TTC16: variants seen among roughly 807,000 people sequenced by gnomAD.
The protein encoded by TTC16 is tetratricopeptide repeat protein 16.
Under a neutral mutation model 80.4 loss-of-function variants are expected in TTC16, and 66 were observed. That is an observed-to-expected ratio of 0.82 (90% CI 0.67 to 1.01). The LOEUF (loss-of-function observed/expected upper bound fraction) is 1.01, where lower values mean the gene tolerates loss of function less well. TTC16 is among the 50% of genes least tolerant of loss of function. The pLI is 0.00. For synonymous variants in TTC16, 438 were observed against 451.3 expected (o/e 0.97, Z 0.37); for missense variants, 1,070 against 1,103.2 (o/e 0.97, Z 0.43).
Position 127,731,403 on chromosome 9 carries a change from T to C in TTC16, c.2620T>C (p.Ter874ArgextTer45). The C allele has an allele frequency of 6.2e-7, 1 of 1,609,604 alleles. No individual in the cohort carries two copies. Among genetic ancestry groups the C allele is most frequent in the Non-Finnish European group, 8.5e-7 (1 of 1,177,842 alleles). Residue 874 changes from the stop codon to arginine, a stop_lost, in exon 14 of 14, where the codon TGA becomes CGA. Transcript: ENST00000373289. ...DQDLTYYEAV[*>R] ...GGACCTCACCTACTATGAAGCTGTC[T>C]GAAGGGACCATCCAGACCCTCCCTT...
intron 2 of TTC16, 140 bp from the exon 3 acceptor site, chr9:127,717,194 C>A: frequency 8.5e-7 from 1 of 1,171,196 alleles, no homozygotes; most frequent in Non-Finnish European, 1.2e-6. Context: ...GAACACCAGC[C>A]TGCCCTCCCT....
At chr9:127,729,160 T>C (rs957543454) in intron 12 of TTC16, 1 of 159,362 alleles carries the variant, frequency 6.3e-6, no homozygotes, top group Non-Finnish European at 1.4e-5. Flanking sequence ...TTCAGTGAAA[T>C]GGTCATTAGC....
At position 127,729,364 on chromosome 9, in the gene TTC16, C is replaced by T. The variant is rs543759044; in HGVS notation, c.1765-217C>T. ...CAAGGCGCTAGCAGCTCCTTCAACACAACCGTTCTCACGGCACCATGCCTG... is the reference window on the plus strand; with the variant it reads ...CAAGGCGCTAGCAGCTCCTTCAACATAACCGTTCTCACGGCACCATGCCTG... On this transcript the variant is annotated intron_variant, in intron 12 of 13. Coordinates refer to ENST00000373289, the MANE Select transcript of TTC16 (RefSeq NM_144965.3). 204 of 539,102 alleles carry T rather than the reference C, an allele frequency of 3.8e-4. 1 individual carries two copies. The highest frequency in any genetic ancestry group is 3.7e-3 in the African/African-American group (194 of 52,588). 33.4% of individuals were successfully genotyped at this position (539,102 alleles called of 1,614,324 possible).
rs1844386864 is a variant in TTC16, at chr9:127,731,146, T to C, written c.2363T>C (p.Val788Ala). Residue 788 changes from valine (V) to alanine (A), a missense_variant, in exon 14 of 14, where the codon GTT becomes GCT. Physicochemically the swap from Val to Ala is moderately conservative, Grantham distance 64 (BLOSUM62 0). Transcript: ENST00000373289. Reference sequence around the variant, plus strand: ...GGCCGGAGCTGGAGACCCAGCAAGGTTGATGCCACCCAGGGCCGAAGCAGG... The same window carrying C: ...GGCCGGAGCTGGAGACCCAGCAAGGCTGATGCCACCCAGGGCCGAAGCAGG... ...ARGRSWRPSK[V>A]DATQGRSRGL... 5.0e-6 allele frequency: 8 copies of C among 1,611,686 alleles called. No individual in the cohort carries two copies. The East Asian group carries it at 1.3e-4, about 27-fold the overall frequency.
chr9:127,721,609 G>A lies in TTC16; in HGVS notation c.657+1214G>A, dbSNP rs1217296248. ...CCACCACCCTGGCAGGAGTGACTTC[G>A]GGGAGTGCAGTCCACCCTGGCAACT... On this transcript the variant is annotated intron_variant, in intron 6 of 13. Transcript: ENST00000373289. Among the ~76,000 whole-genome samples, 6 of 152,222 alleles carry A rather than the reference G, an allele frequency of 3.9e-5. No homozygotes were observed. The East Asian group carries it at 5.8e-4, about 15-fold the overall frequency.
At position 127,719,837 on chromosome 9, in the gene TTC16, T is replaced by C. The variant is rs887746685; in HGVS notation, c.427-241T>C. On this transcript the variant is annotated intron_variant, in intron 4 of 13. Transcript: ENST00000373289. ...TTCTACATTTCTCTTTGTTCCTGAA[T>C]CTCTGTATTCCTGTCTCTTGCCAAG... 1.9e-4 allele frequency among the ~76,000 whole-genome samples: 29 copies of C among 152,174 alleles called. 1 individual carries two copies. The highest frequency in any genetic ancestry group is 2.9e-5 in the Non-Finnish European group (2 of 68,038).
rs527927075 is a variant in TTC16, at chr9:127,718,935, G to T, written c.427-1143G>T. Among the ~76,000 whole-genome samples the T allele has an allele frequency of 6.6e-6, 1 of 151,502 alleles. No homozygotes were observed. On this transcript the variant is annotated intron_variant, in intron 4 of 13. Transcript: ENST00000373289. The surrounding 1 kb of genome is among the most constrained non-coding windows in gnomAD (Gnocchi z 4.6). The stretch of plus-strand genomic sequence containing the variant: ...GTCAAAAAATATTCAGTTCTTGGCC[G>T]GGCACGGTGGCTCACGCCTGTAATC...
chr9:127,729,843 C>T (rs554140491), intron 13 of TTC16, 175 bp downstream of exon 13: 52 of 606,964 alleles, frequency 8.6e-5, no homozygotes, highest in Non-Finnish European at 1.4e-4. Flanking sequence ...CTGCCCAGGA[C>T]GAGGTGAGGC....
At chr9:127,721,375 A>G (rs949971130) in intron 6 of TTC16, among the ~76,000 whole-genome samples, 2 of 152,074 alleles carry the variant, frequency 1.3e-5, no homozygotes, top group African/African-American at 4.8e-5. Context: ...AGCCCTTCAG[A>G]AGGCAGGGCC....
At chr9:127,716,391 A>G in intron 1 of TTC16, 1 of 634,978 alleles carries the variant, frequency 1.6e-6, no homozygotes, top group Non-Finnish European at 2.7e-6. Flanking sequence ...AGGTGACCTC[A>G]CCAAAATGGG....
chr9:127,717,743 G>A lies in TTC16; in HGVS notation c.397G>A (p.Glu133Lys). 6.2e-7 allele frequency: 1 copy of A among 1,613,806 alleles called. No individual in the cohort carries two copies. The highest frequency in any genetic ancestry group is 8.5e-7 in the Non-Finnish European group (1 of 1,180,014). The change falls in exon 4 of 14, where the codon GAG becomes AAG. Residue 133 changes from glutamate to lysine, a missense_variant. Transcript: ENST00000373289. ...ACAGCAGGACAACTGCAAGCACCTG[G>A]AGCGCCTCACCTTTGTGCTCTACCT... Reference protein sequence around the residue: ...SLQQDNCKHLERLTFVLYLQG... With the variant: ...SLQQDNCKHLKRLTFVLYLQG...
At chr9:127,717,200 T>C in intron 2 of TTC16, 134 bp from the exon 3 acceptor site, 1 of 1,169,108 alleles carries the variant, frequency 8.6e-7, no homozygotes. Context: ...CAGCCTGCCC[T>C]CCCTGGGCTT....
intron 7 of TTC16, 36 bp downstream of exon 7, chr9:127,723,369 G>A: frequency 6.3e-7 from 1 of 1,589,664 alleles, no homozygotes; most frequent in Non-Finnish European, 8.6e-7. Context: ...TGGGTCCCAG[G>A]TCCTGCCCAG....
intron 12 of TTC16, chr9:127,727,970 A>G (rs916503874): frequency 6.6e-5 from 10 of 152,492 alleles, no homozygotes; most frequent in African/African-American, 2.2e-4. Context: ...AGTGATCTGC[A>G]CACCTGGGCC....
At position 127,718,156 on chromosome 9, in the gene TTC16, CG is replaced by C. The variant is rs1426690235; in HGVS notation, c.426+386del. Among the ~76,000 whole-genome samples, 10 of 152,236 alleles carry C rather than the reference CG, an allele frequency of 6.6e-5. No homozygotes were observed. Among genetic ancestry groups the C allele is most frequent in the African/African-American group, 2.4e-4 (10 of 41,534 alleles). ...AGGCTGCAGTGCAGTGGCACGATCT[CG>C]GCTCACTGCAACCTCTGTCTCTTGG... On this transcript the variant is annotated intron_variant, in intron 4 of 13. Coordinates refer to ENST00000373289, the MANE Select transcript of TTC16 (RefSeq NM_144965.3). The surrounding 1 kb of genome is among the most constrained non-coding windows in gnomAD (Gnocchi z 4.6).
At position 127,724,340 on chromosome 9, in the gene TTC16, AAAG is replaced by A; in HGVS notation, c.1094_1096del (p.Lys365_Gly366delinsArg). 6.2e-7 allele frequency: 1 copy of A among 1,612,756 alleles called. No individual in the cohort carries two copies. The highest frequency in any genetic ancestry group is 8.5e-7 in the Non-Finnish European group (1 of 1,179,920). On this transcript the variant is annotated inframe_deletion, in exon 8 of 14. Transcript: ENST00000373289. ...GGCCCTCCGGGACGAGCAGCAGGAG[AAAG>A]GACTCTACATCAACCGAGGCGGTGC...
chr9:127,724,260 CCGTGCACTG>C lies in TTC16; in HGVS notation c.1015_1023del (p.Val339_Cys341del), dbSNP rs781623598. 1.2e-6 allele frequency: 2 copies of C among 1,613,098 alleles called. No homozygotes were observed. Among genetic ancestry groups the C allele is most frequent in the South Asian group, 2.2e-5 (2 of 91,092 alleles). On this transcript the variant is annotated inframe_deletion, in exon 8 of 14. Transcript: ENST00000373289. The stretch of plus-strand genomic sequence containing the variant: ...CTGTTGCTGACCTACAACGACTTTG[CCGTGCACTG>C]CTACAGGCAGGGCGCCTACCAGGAG...
Position 127,718,971 on chromosome 9 carries a change from G to A in TTC16, c.427-1107G>A, listed in dbSNP as rs1564378107. Among the ~76,000 whole-genome samples the A allele has an allele frequency of 6.6e-6, 1 of 151,790 alleles. No individual in the cohort carries two copies. The highest frequency in any genetic ancestry group is 1.5e-5 in the Non-Finnish European group (1 of 67,920). On this transcript the variant is annotated intron_variant, in intron 4 of 13. Transcript: ENST00000373289. The surrounding 1 kb of genome is among the most constrained non-coding windows in gnomAD (Gnocchi z 4.6). ...CTCACGCCTGTAATCCCAGCACTTT[G>A]GGAGGCCGAGTTGGGCGGATCATGA... is the stretch of plus-strand genomic sequence containing the variant.
chr9:127,716,296 T>G, intron 1 of TTC16, 133 bp downstream of exon 1: 2 of 1,336,202 alleles, frequency 1.5e-6, no homozygotes, highest in South Asian at 1.2e-5. Flanking sequence ...CTGGCCGCCA[T>G]GCCAAGAACC....
Sources: gnomAD v4.1 joint callset for allele counts (sites outside exome capture counted in the v4.1 genomes callset) on GRCh38, gnomAD v4.1.1 for gene constraint, Gnocchi (gnomAD v3.1) non-coding constraint, MANE v1.5 for transcripts, NCBI Gene and HGNC (gene_info 2026-07-23, HGNC 2026-07-21) for gene names.